Variants in ALK observed in about 807,000 individuals in gnomAD.
ALK encodes the protein ALK tyrosine kinase receptor.
A neutral mutation model predicts 163.1 loss-of-function variants in ALK; 74 were observed. The observed-to-expected ratio is 0.45, with a 90% CI of 0.38 to 0.55. The LOEUF is 0.55. ALK is among the 20% of genes least tolerant of loss of function. The probability of loss-of-function intolerance (pLI) is 0.00; values close to 1 mark genes in which losing one functional copy is unlikely to be tolerated. For missense variants in ALK, 2,063 were observed against 2,105.3 expected, an observed-to-expected ratio of 0.98 and a Z score of 0.39; for synonymous variants, 960 against 843.2, an observed-to-expected ratio of 1.14 and a Z score of -2.40.
intron 3 of ALK, among the ~76,000 whole-genome samples, chr2:29,660,685 G>A (rs200838568): frequency 2.0e-5 from 3 of 150,752 alleles, no homozygotes; most frequent in Admixed American, 1.3e-4. Context: ...GAGAAAGGGG[G>A]AAAAAGGGGT....
In ALK at chr2:29,920,398, G is replaced by T. The variant is rs754768477; in HGVS notation, c.262C>A (p.Arg88Ser). The T allele has an allele frequency of 1.3e-6, 2 of 1,574,292 alleles. No homozygotes were observed. Among genetic ancestry groups the T allele is most frequent in the Non-Finnish European group, 1.7e-6 (2 of 1,160,804 alleles). The change falls in exon 1 of 29, where the codon CGC becomes AGC. Residue 88 changes from arginine (R) to serine (S), a missense_variant. Physicochemically the swap from Arg to Ser is moderately radical, Grantham distance 110 (BLOSUM62 -1). Around this residue, in one of 5 missense-constraint regions of ALK, gnomAD observed 987 missense variants for 939.5 expected, o/e 1.05. Coordinates refer to ENST00000389048, the MANE Select transcript of ALK (RefSeq NM_004304.5). ...SELKAGRPEA[R>S]GSLALDCAPL... is the part of the protein sequence containing the mutation. ...GCGCAGTCCAGAGCTAGCGAGCCGC[G>T]GGCCTCGGGCCTGCCAGCCTTCAGC...
At chr2:29,429,645 T>A (rs954904197) in intron 4 of ALK, among the ~76,000 whole-genome samples, 2 of 152,102 alleles carry the variant, frequency 1.3e-5, no homozygotes, top group Non-Finnish European at 2.9e-5. Context: ...GTTAGGATGA[T>A]GATAATCCCT....
intron 1 of ALK, among the ~76,000 whole-genome samples, chr2:29,864,654 C>CA (rs1666379989): frequency 6.6e-6 from 1 of 151,144 alleles, no homozygotes; most frequent in Admixed American, 6.6e-5. Flanking sequence ...AGTATTTCTT[C>CA]ATACATATTG....
At chr2:29,209,958 C>A (rs2148155606) in intron 24 of ALK, 80 bp from the exon 25 acceptor site, 1 of 1,144,526 alleles carries the variant, frequency 8.7e-7, no homozygotes, top group South Asian at 1.3e-5. Flanking sequence ...GATTTTATCT[C>A]CAAGCTGAAG....
At chr2:29,661,617 G>C (rs149123727) in intron 3 of ALK, among the ~76,000 whole-genome samples, 1 of 152,232 alleles carries the variant, frequency 6.6e-6, no homozygotes, top group Non-Finnish European at 1.5e-5. Flanking sequence ...AATCCTATAA[G>C]GTATGACTGT....
At chr2:29,800,918 C>G (rs1159828124) in intron 1 of ALK, among the ~76,000 whole-genome samples, 1 of 152,168 alleles carries the variant, frequency 6.6e-6, no homozygotes, top group Non-Finnish European at 1.5e-5. Flanking sequence ...CTAAGCGTGC[C>G]CATGCTCCTC....
At chr2:29,760,177 A>G (rs1680659859) in intron 1 of ALK, among the ~76,000 whole-genome samples, 1 of 151,848 alleles carries the variant, frequency 6.6e-6, no homozygotes, top group Non-Finnish European at 1.5e-5. Flanking sequence ...ACACACCCAC[A>G]CATCCCTACA....
At chr2:29,505,978 T>C (rs1033748328) in intron 4 of ALK, among the ~76,000 whole-genome samples, 3 of 152,136 alleles carry the variant, frequency 2.0e-5, no homozygotes, top group African/African-American at 7.2e-5. Flanking sequence ...GAGTTCAGGT[T>C]TGCTACAGAT....
chr2:29,590,374 AT>A (rs1230009920), intron 3 of ALK, among the ~76,000 whole-genome samples: 1 of 152,094 alleles, frequency 6.6e-6, no homozygotes, highest in African/African-American at 2.4e-5. Context: ...GGTTAAAAAA[AT>A]TTTTTACCTT....
intron 3 of ALK, among the ~76,000 whole-genome samples, chr2:29,684,566 CA>C (rs1164379271): frequency 1.3e-5 from 2 of 152,196 alleles, no homozygotes; most frequent in African/African-American, 4.8e-5. Flanking sequence ...TGGCCATCTG[CA>C]AAGAAGACAC....
At chr2:29,641,782 C>T (rs528586271) in intron 3 of ALK, among the ~76,000 whole-genome samples, 60 of 152,288 alleles carry the variant, frequency 3.9e-4, no homozygotes, top group Non-Finnish European at 7.4e-5. Context: ...GGAACCTTCA[C>T]TTAGGGCAGC....
In ALK at chr2:29,232,309, G is replaced by A. The variant is rs1664235166; in HGVS notation, c.2627C>T (p.Ala876Val). The change falls in exon 15 of 29, where the codon GCC becomes GTC. Residue 876 changes from alanine to valine, a missense_variant. Ala to Val is a moderately conservative substitution (Grantham distance 64). Coordinates refer to ENST00000389048, the MANE Select transcript of ALK (RefSeq NM_004304.5). ...GCACGCTTGCAGCGCTTTACCTGCG[G>A]CTCCGGAATTGCCGTTTAGCCCTAG... ...SVLGLNGNSGAAGGGGGWNDN... is the reference protein window; with the variant it reads ...SVLGLNGNSGVAGGGGGWNDN... The A allele has an allele frequency of 6.2e-7, 1 of 1,614,248 alleles. No individual in the cohort carries two copies. Among genetic ancestry groups the A allele is most frequent in the Non-Finnish European group, 8.5e-7 (1 of 1,180,044 alleles).
At chr2:29,672,322 C>T (rs1338515772) in intron 3 of ALK, among the ~76,000 whole-genome samples, 6 of 150,074 alleles carry the variant, frequency 4.0e-5, no homozygotes, top group African/African-American at 7.4e-5. Flanking sequence ...GCTATCCCTC[C>T]CCCTTCCCCC....
chr2:29,212,791 C>A (rs1362363304), intron 24 of ALK, among the ~76,000 whole-genome samples: 1 of 152,152 alleles, frequency 6.6e-6, no homozygotes, highest in Non-Finnish European at 1.5e-5. Flanking sequence ...ACTGCAACCT[C>A]CACCTCCTGG....
chr2:29,488,244 G>A (rs1671824502), intron 4 of ALK, among the ~76,000 whole-genome samples: 2 of 152,158 alleles, frequency 1.3e-5, no homozygotes, highest in Admixed American at 6.5e-5. Context: ...CAACTGACAA[G>A]TTCCTACTAT....
chr2:29,566,335 A>G (rs968744629), intron 3 of ALK, among the ~76,000 whole-genome samples: 1 of 152,200 alleles, frequency 6.6e-6, no homozygotes, highest in African/African-American at 2.4e-5. Context: ...GCCTCATTTT[A>G]TTTAAGATGC....
intron 1 of ALK, among the ~76,000 whole-genome samples, chr2:29,837,001 G>A (rs899416109): frequency 2.0e-5 from 3 of 152,208 alleles, no homozygotes; most frequent in East Asian, 1.9e-4. Context: ...TGGACAGCAG[G>A]CAGTAAAGGA....
intron 4 of ALK, among the ~76,000 whole-genome samples, chr2:29,454,656 T>C (rs4602182): frequency 0.42 from 63,448 of 151,750 alleles, 13,671 homozygotes; most frequent in African/African-American, 0.48. Flanking sequence ...TATATATCAA[T>C]TGCTAATCAT....
intron 1 of ALK, among the ~76,000 whole-genome samples, chr2:29,819,355 C>T (rs1229426572): frequency 1.3e-5 from 2 of 152,228 alleles, no homozygotes; most frequent in Non-Finnish European, 2.9e-5. Flanking sequence ...ACATGGAATA[C>T]GTTACACAGC....
Sources: allele counts gnomAD v4.1 joint callset (sites outside exome capture counted in the v4.1 genomes callset), GRCh38; gene constraint gnomAD v4.1.1; regional missense constraint gnomAD v4.1.1; transcripts MANE v1.5; gene names NCBI Gene and HGNC (gene_info 2026-07-23, HGNC 2026-07-21).